SLC6A15: variants seen among roughly 807,000 people sequenced by gnomAD.
SLC6A15 encodes the protein sodium-dependent neutral amino acid transporter B(0)AT2.
In SLC6A15, 33 loss-of-function variants were observed where a neutral mutation model predicts 68.5. That is an observed-to-expected ratio of 0.48 (90% CI 0.37 to 0.64). The LOEUF is 0.64. Ranked by LOEUF, SLC6A15 falls within the 30% of genes least tolerant of loss-of-function variation. The pLI, the probability that SLC6A15 is intolerant of heterozygous loss-of-function variation, is 0.00. For missense variants in SLC6A15, 747 were observed against 874.3 expected, an observed-to-expected ratio of 0.85 and a Z score of 1.84; for synonymous variants, 347 against 301.0, an observed-to-expected ratio of 1.15 and a Z score of -1.58.
Position 84,872,894 on chromosome 12 carries a change from C to T in SLC6A15, c.1110-100G>A. ...ATAAGCTAATGAATGAGCAATGTTC[C>T]CAACACAAAGAAATGATTAATGTTT... is the stretch of plus-strand genomic sequence containing the variant. On this transcript the variant is annotated intron_variant, in intron 7 of 11. Transcript: ENST00000266682. 1.6e-5 allele frequency: 19 copies of T among 1,201,340 alleles called. No individual in the cohort carries two copies. In the South Asian group the frequency reaches 2.7e-4, roughly 17 times the overall value. 74.4% of individuals were successfully genotyped at this position (1,201,340 alleles called of 1,614,324 possible). A position where few individuals can be genotyped will look rare whatever the true frequency, so the allele number is the denominator to read the frequency against.
At chr12:84,905,816 T>G (rs1873115557) in intron 1 of SLC6A15, among the ~76,000 whole-genome samples, 1 of 152,178 alleles carries the variant, frequency 6.6e-6, no homozygotes, top group South Asian at 2.1e-4. Context: ...ATAAGTCACA[T>G]AAATCAAGAA....
intron 5 of SLC6A15, chr12:84,882,804 G>A (rs1412911202): frequency 5.2e-6 from 1 of 193,424 alleles, no homozygotes; most frequent in African/African-American, 2.4e-5. Context: ...ATGGGATAAA[G>A]TATAAAAAGT....
rs372180878 is a variant in SLC6A15 at position 84,861,553 on chromosome 12, A to G, written c.*79T>C. 2.1e-5 allele frequency: 31 copies of G among 1,483,206 alleles called. 1 individual carries two copies. In the East Asian group the frequency reaches 5.9e-4, roughly 28 times the overall value. 91.9% of individuals were successfully genotyped at this position (1,483,206 alleles called of 1,614,324 possible). On this transcript the variant is annotated 3_prime_UTR_variant, in exon 12 of 12. Transcript: ENST00000266682. Reference sequence around the variant, plus strand: ...ACCTGAGATTGCCCTCTGATAAGTGAAGCCTAATGCTTCTCCTACTAGGGC... The same window carrying G: ...ACCTGAGATTGCCCTCTGATAAGTGGAGCCTAATGCTTCTCCTACTAGGGC...
intron 5 of SLC6A15, chr12:84,883,462 A>G: frequency 8.6e-7 from 1 of 1,162,774 alleles, no homozygotes; most frequent in Non-Finnish European, 1.1e-6. Flanking sequence ...GAGAGAAACA[A>G]ATGATATCAA....
chr12:84,867,126 A>C lies in SLC6A15; in HGVS notation c.1563T>G (p.Val521=), dbSNP rs746766860. ...TAGCAGAATAATCATCAAACATTGTAACAAAGTAATTTCCAGAGCGTTGCA... is the reference window on the plus strand; with the variant it reads ...TAGCAGAATAATCATCAAACATTGTCACAAAGTAATTTCCAGAGCGTTGCA... ...IFVQRSGNYF[V]TMFDDYSATL... is the part of the protein sequence containing the mutation. Residue 521 remains valine (V), a synonymous_variant, in exon 10 of 12, where the codon GTT becomes GTG. Coordinates refer to ENST00000266682, the MANE Select transcript of SLC6A15 (RefSeq NM_182767.6). 6.2e-7 allele frequency: 1 copy of C among 1,613,006 alleles called. No individual in the cohort carries two copies. The highest frequency in any genetic ancestry group is 1.1e-5 in the South Asian group (1 of 90,928).
chr12:84,870,499 C>T lies in SLC6A15; in HGVS notation c.1474G>A (p.Val492Met), dbSNP rs374733661. Residue 492 changes from valine to methionine, a missense_variant, in exon 9 of 12, where the codon GTG becomes ATG. Transcript: ENST00000266682. ...TCACCAGTAAGAATTTCTTTCCTCA[C>T]TTTGAAAGTGTCCACAATAGGCGTG... ...IVTPIVDTFK[V>M]RKEILTVICC... 22 of 1,544,376 alleles carry T rather than the reference C, an allele frequency of 1.4e-5. No homozygotes were observed. Among genetic ancestry groups the T allele is most frequent in the Admixed American group, 1.1e-4 (6 of 52,292 alleles).
At chr12:84,863,413 A>G in intron 11 of SLC6A15, 26 bp downstream of exon 11, 2 of 1,522,392 alleles carry the variant, frequency 1.3e-6, no homozygotes, top group Non-Finnish European at 1.7e-6. Flanking sequence ...TCTTTTAAAA[A>G]TGTAATTCCC....
rs1320940812 is a variant in SLC6A15, at chr12:84,863,523, A to G, written c.1734T>C (p.Pro578=). ...YYYYMWKYIS[P]LMLLSLLIAS... ...CTATTAGCAATGATAATAGCATTAG[A>G]GGAGAAATATATTTCCACATATAGT... Residue 578 remains proline (P), a synonymous_variant, in exon 11 of 12, where the codon CCT becomes CCC. Coordinates refer to ENST00000266682, the MANE Select transcript of SLC6A15 (RefSeq NM_182767.6). 2 of 1,595,948 alleles carry G rather than the reference A, an allele frequency of 1.3e-6. No homozygotes were observed. The highest frequency in any genetic ancestry group is 2.3e-5 in the South Asian group (2 of 87,874).
intron 1 of SLC6A15, among the ~76,000 whole-genome samples, chr12:84,906,980 A>T (rs1467230548): frequency 1.3e-5 from 2 of 152,156 alleles, no homozygotes; most frequent in Admixed American, 1.3e-4. Context: ...AGGATGGAAA[A>T]AAAAAAGCTT....
chr12:84,911,067 A>T (rs1242465204), intron 1 of SLC6A15, among the ~76,000 whole-genome samples: 1 of 152,200 alleles, frequency 6.6e-6, no homozygotes, highest in Non-Finnish European at 1.5e-5. Context: ...CGCCTAAGAC[A>T]TAAATAGGTC....
In SLC6A15 at chr12:84,892,260, A is replaced by G. The variant is rs1007680337; in HGVS notation, c.-140T>C. ...TCAAATAAATCCTTGATTCAAGGTG[A>G]TAAAGCCTTATGGATTCTGAATCCG... is the stretch of plus-strand genomic sequence containing the variant. On this transcript the variant is annotated 5_prime_UTR_variant, in exon 2 of 12. Coordinates refer to ENST00000266682, the MANE Select transcript of SLC6A15 (RefSeq NM_182767.6). 8 of 756,240 alleles carry G rather than the reference A, an allele frequency of 1.1e-5. No homozygotes were observed. The highest frequency in any genetic ancestry group is 1.6e-5 in the Non-Finnish European group (8 of 485,862). The allele number at this position is 756,240 out of a possible 1,614,324, so 46.8% of individuals were successfully genotyped here.
intron 9 of SLC6A15, 116 bp downstream of exon 9, chr12:84,870,362 T>A: frequency 2.2e-6 from 1 of 465,042 alleles, no homozygotes; most frequent in East Asian, 3.5e-5. Flanking sequence ...TAAATAGTGA[T>A]AATAGACATT....
chr12:84,872,858 A>T, intron 7 of SLC6A15, 64 bp from the exon 8 acceptor site: 1 of 1,342,182 alleles, frequency 7.5e-7, no homozygotes, highest in Non-Finnish European at 1.0e-6. Context: ...TTTGTGAACG[A>T]CTATGCCATT....
chr12:84,868,511 T>A (rs1871157305), intron 9 of SLC6A15, among the ~76,000 whole-genome samples: 1 of 152,130 alleles, frequency 6.6e-6, no homozygotes, highest in African/African-American at 2.4e-5. Context: ...CACCCCAGTA[T>A]GAGGCAAATA....
At position 84,892,002 on chromosome 12, in the gene SLC6A15, ATTAGTTCAC is replaced by A; in HGVS notation, c.110_118del (p.Ser37_Leu39del). 6.2e-7 allele frequency: 1 copy of A among 1,614,082 alleles called. No homozygotes were observed. The highest frequency in any genetic ancestry group is 1.6e-4 in the Middle Eastern group (1 of 6,062). On this transcript the variant is annotated inframe_deletion, in exon 2 of 12. Coordinates refer to ENST00000266682, the MANE Select transcript of SLC6A15 (RefSeq NM_182767.6). ...ATCTTTCTCTTCCTGGCCATCAACA[ATTAGTTCAC>A]TTGTCTTAAAAGCATCATCAGCTGC... is the stretch of plus-strand genomic sequence containing the variant.
In SLC6A15 at chr12:84,906,014, A is replaced by AT. The variant is rs1388382969; in HGVS notation, c.-189+6508dup. On this transcript the variant is annotated intron_variant, in intron 1 of 11. Coordinates refer to ENST00000266682, the MANE Select transcript of SLC6A15 (RefSeq NM_182767.6). ...TATGAATGTAATAATACAGTATTCAATTTTTTTGCAGATATTTTGATTGTC... is the reference window on the plus strand; with the variant it reads ...TATGAATGTAATAATACAGTATTCAATTTTTTTTGCAGATATTTTGATTGTC... 2.2e-4 allele frequency among the ~76,000 whole-genome samples: 33 copies of AT among 152,282 alleles called. 1 individual carries two copies. The highest frequency in any genetic ancestry group is 7.9e-4 in the African/African-American group (33 of 41,552).
chr12:84,869,866 T>C (rs1871214202), intron 9 of SLC6A15, among the ~76,000 whole-genome samples: 1 of 152,182 alleles, frequency 6.6e-6, no homozygotes, highest in African/African-American at 2.4e-5. Context: ...TATATATTTG[T>C]ATATCTCTTA....
chr12:84,879,017 G>T (rs1380073887), intron 5 of SLC6A15, among the ~76,000 whole-genome samples: 2 of 151,734 alleles, frequency 1.3e-5, no homozygotes, highest in South Asian at 2.1e-4. Flanking sequence ...ATCCTCAAAG[G>T]TTCCACACTG....
chr12:84,886,251 C>A (rs918087716), intron 2 of SLC6A15, among the ~76,000 whole-genome samples, 183 bp from the exon 3 acceptor site: 1 of 151,974 alleles, frequency 6.6e-6, no homozygotes, highest in Non-Finnish European at 1.5e-5. Flanking sequence ...TTGATTTCTA[C>A]AAAGAGTTTC....
Sources: allele counts gnomAD v4.1 joint callset (sites outside exome capture counted in the v4.1 genomes callset), GRCh38; gene constraint gnomAD v4.1.1; transcripts MANE v1.5; gene names NCBI Gene and HGNC (gene_info 2026-07-23, HGNC 2026-07-21).